RBP3: variants seen among roughly 807,000 people sequenced by gnomAD.
RBP3 encodes the protein retinol binding protein 3.
In RBP3, 50 loss-of-function variants were observed where a neutral mutation model predicts 64.8. That is an observed-to-expected ratio of 0.77 (90% CI 0.61 to 0.98). The LOEUF (loss-of-function observed/expected upper bound fraction) is 0.98, where lower values mean the gene tolerates loss of function less well. Ranked by LOEUF, RBP3 falls within the 50% of genes least tolerant of loss-of-function variation. The probability of loss-of-function intolerance (pLI) is 0.00; values close to 1 mark genes in which losing one functional copy is unlikely to be tolerated. For missense variants in RBP3, 1,712 were observed against 1,660.5 expected, an observed-to-expected ratio of 1.03 and a Z score of -0.54; for synonymous variants, 828 against 730.2, an observed-to-expected ratio of 1.13 and a Z score of -2.16.
chr10:47,356,506 T>G (rs1204942158), intron 3 of RBP3, among the ~76,000 whole-genome samples: 1 of 152,164 alleles, frequency 6.6e-6, no homozygotes, highest in Non-Finnish European at 1.5e-5. Flanking sequence ...TTTGAAGACA[T>G]TATGAAAAGA....
In RBP3 at chr10:47,349,999, C is replaced by T. The variant is rs1555211236; in HGVS notation, c.1515C>T (p.His505=). The change falls in exon 1 of 4, where the codon CAC becomes CAT. Residue 505 remains histidine, a synonymous_variant. Coordinates refer to ENST00000584701, the MANE Select transcript of RBP3 (RefSeq NM_002900.3). ...YFQGPEAGPV[H]LFTTYDRRTN... Reference sequence around the variant, plus strand: ...AGGGCCCTGAGGCCGGCCCCGTGCACCTCTTCACCACCTATGATCGCCGCA... The same window carrying T: ...AGGGCCCTGAGGCCGGCCCCGTGCATCTCTTCACCACCTATGATCGCCGCA... The T allele has an allele frequency of 1.2e-6, 2 of 1,613,070 alleles. No homozygotes were observed. Among genetic ancestry groups the T allele is most frequent in the Admixed American group, 3.3e-5 (2 of 60,000 alleles).
chr10:47,350,150 A>G lies in RBP3; in HGVS notation c.1666A>G (p.Met556Val), dbSNP rs1555211277. The G allele has an allele frequency of 6.2e-7, 1 of 1,612,772 alleles. No individual in the cohort carries two copies. Among genetic ancestry groups the G allele is most frequent in the Non-Finnish European group, 8.5e-7 (1 of 1,179,982 alleles). ...ATAAEEFAFL[M>V]QSLGWATLVG... The stretch of plus-strand genomic sequence containing the variant: ...GGCCGCGGAGGAGTTCGCCTTCCTT[A>G]TGCAGTCGCTGGGCTGGGCCACACT... Residue 556 changes from methionine to valine, a missense_variant, in exon 1 of 4, where the codon ATG becomes GTG. By Grantham distance (21) the Met-to-Val change is conservative. Coordinates refer to ENST00000584701, the MANE Select transcript of RBP3 (RefSeq NM_002900.3).
intron 3 of RBP3, among the ~76,000 whole-genome samples, chr10:47,356,393 A>C (rs1837047728): frequency 6.6e-6 from 1 of 152,198 alleles, no homozygotes; most frequent in Admixed American, 6.5e-5. Flanking sequence ...CCAATATGGG[A>C]GCCACAAGCC....
Position 47,355,419 on chromosome 10 carries a change from T to A in RBP3, c.3289T>A (p.Ser1097Thr). 1 of 1,614,174 alleles carries A rather than the reference T, an allele frequency of 6.2e-7. No homozygotes were observed. Among genetic ancestry groups the A allele is most frequent in the Non-Finnish European group, 8.5e-7 (1 of 1,180,042 alleles). The change falls in exon 3 of 4, where the codon TCC becomes ACC. Residue 1097 changes from serine (S) to threonine (T), a missense_variant. Ser to Thr is a moderately conservative substitution (Grantham distance 58). Coordinates refer to ENST00000584701, the MANE Select transcript of RBP3 (RefSeq NM_002900.3). ...GPTSSIPILC[S>T]YFFDEGPPVL... ...CACATCCTCCATTCCCATCTTGTGCTCCTACTTCTTTGATGAAGGCCCTCC... is the reference window on the plus strand; with the variant it reads ...CACATCCTCCATTCCCATCTTGTGCACCTACTTCTTTGATGAAGGCCCTCC...
In RBP3 at chr10:47,351,265, C is replaced by T. The variant is rs1289526741; in HGVS notation, c.2781C>T (p.Ala927=). The T allele has an allele frequency of 6.2e-7, 1 of 1,613,318 alleles. No homozygotes were observed. Among genetic ancestry groups the T allele is most frequent in the Non-Finnish European group, 8.5e-7 (1 of 1,180,060 alleles). Residue 927 remains alanine (A), a synonymous_variant, in exon 1 of 4, where the codon GCC becomes GCT. Transcript: ENST00000584701. ...CCATGAGCGAAGCCCTTTCCATAGC[C>T]CAGGACATAGTGGCTCTGCGTGCCA... ...TVPMSEALSI[A]QDIVALRAKV... is the part of the protein sequence containing the mutation.
chr10:47,357,139 G>T lies in RBP3; in HGVS notation c.3426G>T (p.Leu1142=). The stretch of plus-strand genomic sequence containing the variant: ...GCTCCAAGAAGAGCATGGTCATTCT[G>T]ACCAGCAGTGTGACGGCCGGCACCG... ...RYGSKKSMVI[L]TSSVTAGTAE... Residue 1142 remains leucine, a synonymous_variant, in exon 4 of 4, where the codon CTG becomes CTT. Transcript: ENST00000584701. The T allele has an allele frequency of 6.2e-7, 1 of 1,613,012 alleles. No homozygotes were observed. The highest frequency in any genetic ancestry group is 1.1e-5 in the South Asian group (1 of 91,032).
chr10:47,355,391 C>T lies in RBP3; in HGVS notation c.3261C>T (p.Gly1087=). Residue 1087 remains glycine (G), a synonymous_variant, in exon 3 of 4, where the codon GGC becomes GGT. Transcript: ENST00000584701. The stretch of plus-strand genomic sequence containing the variant: ...CATCCTTCAGGTTCAACATCGGTGG[C>T]CCCACATCCTCCATTCCCATCTTGT... ...MIIDMRFNIG[G]PTSSIPILCS... 1 of 1,613,848 alleles carries T rather than the reference C, an allele frequency of 6.2e-7. No individual in the cohort carries two copies. Among genetic ancestry groups the T allele is most frequent in the East Asian group, 2.2e-5 (1 of 44,890 alleles).
rs1258787806 is a variant in RBP3 at position 47,351,966 on chromosome 10, A to G, written c.3054+428A>G. Among the ~76,000 whole-genome samples the G allele has an allele frequency of 3.2e-4, 48 of 152,294 alleles. 1 individual carries two copies. The highest frequency in any genetic ancestry group is 2.5e-3 in the Admixed American group (38 of 15,312). On this transcript the variant is annotated intron_variant, in intron 1 of 3. Coordinates refer to ENST00000584701, the MANE Select transcript of RBP3 (RefSeq NM_002900.3). Reference sequence around the variant, plus strand: ...TAGGGAAGAGGCCAACACCTGTCAGAGGTGGCCAATGGACTTCACCAAGTG... The same window carrying G: ...TAGGGAAGAGGCCAACACCTGTCAGGGGTGGCCAATGGACTTCACCAAGTG...
chr10:47,349,543 C>T lies in RBP3; in HGVS notation c.1059C>T (p.His353=). The T allele has an allele frequency of 6.2e-7, 1 of 1,613,048 alleles. No homozygotes were observed. The change falls in exon 1 of 4, where the codon CAC becomes CAT. Residue 353 remains histidine, a synonymous_variant. Transcript: ENST00000584701. ...LVDRVPTLLQ[H]LASMDFSTVV... is the part of the protein sequence containing the mutation. Reference sequence around the variant, plus strand: ...ACCGTGTGCCCACCCTGCTGCAGCACTTGGCCAGCATGGACTTCTCCACGG... The same window carrying T: ...ACCGTGTGCCCACCCTGCTGCAGCATTTGGCCAGCATGGACTTCTCCACGG...
Position 47,349,691 on chromosome 10 carries a change from G to C in RBP3, c.1207G>C (p.Ala403Pro). 2 of 1,611,512 alleles carry C rather than the reference G, an allele frequency of 1.2e-6. No individual in the cohort carries two copies. Among genetic ancestry groups the C allele is most frequent in the Middle Eastern group, 1.6e-4 (1 of 6,062 alleles). ...AACTCCTTCTTGGCCCGCGCCCGAC[G>C]CTGCAGCCGAAGACTCACCAGGGGT... ...TETPSWPAPD[A>P]AAEDSPGVAP... is the part of the protein sequence containing the mutation. Residue 403 changes from alanine to proline, a missense_variant, in exon 1 of 4, where the codon GCT (alanine) becomes CCT (proline). Physicochemically the swap from Ala to Pro is conservative, Grantham distance 27 (BLOSUM62 -1). Coordinates refer to ENST00000584701, the MANE Select transcript of RBP3 (RefSeq NM_002900.3).
rs1466375724 is a variant in RBP3 at position 47,357,833 on chromosome 10, CA to C, written c.*380del. On this transcript the variant is annotated 3_prime_UTR_variant, in exon 4 of 4. Transcript: ENST00000584701. ...ATGCAGCTATCATTATTCCAAAATACAAAATAAAGAAGATAAAATAAATTAT... is the reference window on the plus strand; with the variant it reads ...ATGCAGCTATCATTATTCCAAAATACAAATAAAGAAGATAAAATAAATTAT... The C allele has an allele frequency of 3.0e-5, 5 of 167,442 alleles. No homozygotes were observed. The highest frequency in any genetic ancestry group is 1.7e-4 in the East Asian group (1 of 5,926). 10.4% of individuals were successfully genotyped at this position (167,442 alleles called of 1,614,324 possible). A position where few individuals can be genotyped will look rare whatever the true frequency, so the allele number is the denominator to read the frequency against.
rs1555211188 is a variant in RBP3, at chr10:47,349,778, G to C, written c.1294G>C (p.Val432Leu). 3 of 1,613,112 alleles carry C rather than the reference G, an allele frequency of 1.9e-6. No homozygotes were observed. The highest frequency in any genetic ancestry group is 2.2e-5 in the East Asian group (1 of 44,890). Residue 432 changes from valine (V) to leucine (L), a missense_variant, in exon 1 of 4, where the codon GTG becomes CTG. By Grantham distance (32) the Val-to-Leu change is conservative. Transcript: ENST00000584701. ...RQALVDSVFQ[V>L]SVLPGNVGYL... ...AGCACTGGTGGACTCTGTGTTCCAG[G>C]TGTCGGTGCTGCCAGGCAATGTGGG... is the stretch of plus-strand genomic sequence containing the variant.
chr10:47,357,434 C>T lies in RBP3; in HGVS notation c.3721C>T (p.Pro1241Ser). The change falls in exon 4 of 4, where the codon CCA (proline) becomes TCA (serine). Residue 1241 changes from proline to serine, a missense_variant. Transcript: ENST00000584701. ...QHNQLRVKRS[P>S]GLQDHL ...CAACCAGCTGAGGGTGAAGCGGAGC[C>T]CAGGCCTGCAGGACCACCTGTAGGG... 1.2e-6 allele frequency: 2 copies of T among 1,612,890 alleles called. No individual in the cohort carries two copies. Among genetic ancestry groups the T allele is most frequent in the African/African-American group, 1.3e-5 (1 of 75,014 alleles).
chr10:47,348,409 G>C lies in RBP3; in HGVS notation c.-76G>C. The C allele has an allele frequency of 6.6e-7, 1 of 1,522,126 alleles. No individual in the cohort carries two copies. The highest frequency in any genetic ancestry group is 8.9e-7 in the Non-Finnish European group (1 of 1,125,690). 94.3% of individuals were successfully genotyped at this position (1,522,126 alleles called of 1,614,324 possible). ...AGAAGGACAAGGGCGGAAGGCAGCTGCACAGAGCAGGGCCACGGCCTTGCA... is the reference window on the plus strand; with the variant it reads ...AGAAGGACAAGGGCGGAAGGCAGCTCCACAGAGCAGGGCCACGGCCTTGCA... On this transcript the variant is annotated 5_prime_UTR_variant, in exon 1 of 4. Transcript: ENST00000584701.
chr10:47,356,744 C>T (rs1837051779), intron 3 of RBP3, among the ~76,000 whole-genome samples: 1 of 152,122 alleles, frequency 6.6e-6, no homozygotes, highest in African/African-American at 2.4e-5. Context: ...ACAAATTGGG[C>T]TTTTCTGAGT....
Position 47,349,989 on chromosome 10 carries a change from G to C in RBP3, c.1505G>C (p.Gly502Ala). 1.9e-6 allele frequency: 3 copies of C among 1,612,766 alleles called. No individual in the cohort carries two copies. The highest frequency in any genetic ancestry group is 2.5e-6 in the Non-Finnish European group (3 of 1,179,786). Residue 502 changes from glycine (G) to alanine (A), a missense_variant, in exon 1 of 4, where the codon GGC becomes GCC. Coordinates refer to ENST00000584701, the MANE Select transcript of RBP3 (RefSeq NM_002900.3). ...LLSYFQGPEA[G>A]PVHLFTTYDR... ...TCCTACTTCCAGGGCCCTGAGGCCG[G>C]CCCCGTGCACCTCTTCACCACCTAT... is the stretch of plus-strand genomic sequence containing the variant.
Position 47,348,940 on chromosome 10 carries a change from G to A in RBP3, c.456G>A (p.Val152=). The change falls in exon 1 of 4, where the codon GTG becomes GTA. Residue 152 remains valine, a synonymous_variant. Coordinates refer to ENST00000584701, the MANE Select transcript of RBP3 (RefSeq NM_002900.3). ...TGAGCATGATGGGGGAGTTCCTGGTGGCCCACGTGTGGGGGAATCTCATGG... is the reference window on the plus strand; with the variant it reads ...TGAGCATGATGGGGGAGTTCCTGGTAGCCCACGTGTGGGGGAATCTCATGG... ...EVLSMMGEFL[V]AHVWGNLMGT... is the part of the protein sequence containing the mutation. 6.2e-7 allele frequency: 1 copy of A among 1,613,896 alleles called. No individual in the cohort carries two copies. The highest frequency in any genetic ancestry group is 2.2e-5 in the East Asian group (1 of 44,874).
chr10:47,353,379 G>A lies in RBP3; in HGVS notation c.3109G>A (p.Val1037Met), dbSNP rs151292277. 31 of 1,614,084 alleles carry A rather than the reference G, an allele frequency of 1.9e-5. No homozygotes were observed. The highest frequency in any genetic ancestry group is 6.7e-5 in the Admixed American group (4 of 60,024). Residue 1037 changes from valine to methionine, a missense_variant, in exon 2 of 4, where the codon GTG (valine) becomes ATG (methionine). Coordinates refer to ENST00000584701, the MANE Select transcript of RBP3 (RefSeq NM_002900.3). ...ELIKFSFHTN[V>M]LEDNIGYLRF... ...GATCAAGTTTTCCTTCCACACTAAC[G>A]TGCTTGAGGACAACATTGGCTACTT...
Position 47,353,332 on chromosome 10 carries a change from C to G in RBP3, c.3062C>G (p.Ser1021Cys). The change falls in exon 2 of 4, where the codon TCC becomes TGC. Residue 1021 changes from serine to cysteine, a missense_variant. Transcript: ENST00000584701. Reference sequence around the variant, plus strand: ...GACCTCCAACTCTTACAGATCCCTTCCCCTGAAGTATTTGAAGAGCTGATC... The same window carrying G: ...GACCTCCAACTCTTACAGATCCCTTGCCCTGAAGTATTTGAAGAGCTGATC... ...IPGIVPMQIP[S>C]PEVFEELIKF... 4 of 1,613,982 alleles carry G rather than the reference C, an allele frequency of 2.5e-6. No homozygotes were observed. The highest frequency in any genetic ancestry group is 3.4e-6 in the Non-Finnish European group (4 of 1,179,994).
Sources: gnomAD v4.1 joint callset for allele counts (sites outside exome capture counted in the v4.1 genomes callset) on GRCh38, gnomAD v4.1.1 for gene constraint, MANE v1.5 for transcripts, NCBI Gene and HGNC (gene_info 2026-07-23, HGNC 2026-07-21) for gene names.